Variants in NBAS observed in about 807,000 individuals in gnomAD.
NBAS encodes the protein NAG/BC035112 fusion.
A neutral mutation model predicts 302.5 loss-of-function variants in NBAS; 219 were observed. The observed-to-expected ratio is 0.72, with a 90% confidence interval of 0.65 to 0.81. The LOEUF is 0.81. NBAS is among the 30% of genes least tolerant of loss of function. The probability of loss-of-function intolerance (pLI) is 0.00; values close to 1 mark genes in which losing one functional copy is unlikely to be tolerated. For missense variants in NBAS, 2,932 were observed against 2,841.6 expected, an observed-to-expected ratio of 1.03 and a Z score of -0.72; for synonymous variants, 1,118 against 1,021.6, an observed-to-expected ratio of 1.09 and a Z score of -1.80.
intron 22 of NBAS, among the ~76,000 whole-genome samples, chr2:15,426,231 TC>T (rs1054616725): frequency 3.3e-5 from 5 of 152,230 alleles, no homozygotes; most frequent in Admixed American, 6.5e-5. Context: ...CTAGTGTTTT[TC>T]CTAAGGGGCC....
At chr2:15,016,103 G>A in the NBAS span, among the ~76,000 whole-genome samples, 2 of 152,054 alleles carry the variant, frequency 1.3e-5, no homozygotes, top group African/African-American at 4.8e-5. Flanking sequence ...CCAAGACTGG[G>A]TAATTTATAA....
chr2:15,304,268 T>C (rs1670933850), intron 40 of NBAS, among the ~76,000 whole-genome samples: 1 of 152,192 alleles, frequency 6.6e-6, no homozygotes, highest in African/African-American at 2.4e-5. Flanking sequence ...GCTCAGCACT[T>C]CTTCCTGCTG....
intron 44 of NBAS, among the ~76,000 whole-genome samples, chr2:15,239,388 C>CGT (rs71400646): frequency 9.8e-4 from 81 of 83,040 alleles, no homozygotes; most frequent in Non-Finnish European, 1.4e-3. Context: ...TGTATGTGTG[C>CGT]GTGTGTGTGT....
chr2:14,878,820 T>C, the NBAS span, among the ~76,000 whole-genome samples: 1 of 152,094 alleles, frequency 6.6e-6, no homozygotes, highest in Non-Finnish European at 1.5e-5. Context: ...TCACCCCAAA[T>C]CCATAGCTTA....
At chr2:14,914,585 T>C in the NBAS span, among the ~76,000 whole-genome samples, 4 of 152,124 alleles carry the variant, frequency 2.6e-5, no homozygotes, top group South Asian at 2.1e-4. Context: ...CAGGAACAGA[T>C]TGGGGAGGGG....
the NBAS span, among the ~76,000 whole-genome samples, chr2:15,107,155 T>C: frequency 6.6e-6 from 1 of 151,998 alleles, no homozygotes; most frequent in Non-Finnish European, 1.5e-5. Flanking sequence ...GACAATTAAG[T>C]TTAAATGAAC....
At chr2:14,913,420 G>T in the NBAS span, among the ~76,000 whole-genome samples, 2 of 152,112 alleles carry the variant, frequency 1.3e-5, no homozygotes, top group Non-Finnish European at 1.5e-5. Flanking sequence ...GACCACAGGA[G>T]CCCATGCCTG....
intron 38 of NBAS, among the ~76,000 whole-genome samples, chr2:15,312,174 G>A (rs781577313): frequency 2.0e-5 from 3 of 152,104 alleles, no homozygotes; most frequent in Non-Finnish European, 2.9e-5. Context: ...CCAGATCTTC[G>A]TCCTTGATTC....
At chr2:15,090,350 G>A in the NBAS span, among the ~76,000 whole-genome samples, 16 of 152,194 alleles carry the variant, frequency 1.1e-4, no homozygotes, top group African/African-American at 3.9e-4. Flanking sequence ...TTTCATTGAT[G>A]TAAAATATTA....
chr2:15,105,130 C>T, the NBAS span, among the ~76,000 whole-genome samples: 1 of 152,048 alleles, frequency 6.6e-6, no homozygotes, highest in African/African-American at 2.4e-5. Flanking sequence ...AAGCTGGAAA[C>T]CATCATTCTC....
the NBAS span, among the ~76,000 whole-genome samples, chr2:15,014,372 T>C: frequency 2.0e-5 from 3 of 152,170 alleles, no homozygotes; most frequent in African/African-American, 7.2e-5. Context: ...GAATGAAACA[T>C]ATTTTAGGAC....
intron 12 of NBAS, among the ~76,000 whole-genome samples, chr2:15,487,371 T>C (rs566628560): frequency 7.1e-4 from 108 of 152,320 alleles, no homozygotes; most frequent in African/African-American, 2.1e-3. Flanking sequence ...CCTCGGTATA[T>C]GCAGGGTTCC....
At chr2:15,104,330 G>T in the NBAS span, among the ~76,000 whole-genome samples, 3,712 of 152,186 alleles carry the variant, frequency 0.024, 153 homozygotes, top group African/African-American at 0.084. Flanking sequence ...TTTATTAGCA[G>T]CATGAAAGAA....
chr2:15,202,448 A>G (rs1210160147), intron 48 of NBAS, among the ~76,000 whole-genome samples: 1 of 152,216 alleles, frequency 6.6e-6, no homozygotes, highest in Non-Finnish European at 1.5e-5. Flanking sequence ...TTTGCCTTAT[A>G]AATTTTTTCT....
chr2:14,849,504 C>T, the NBAS span, among the ~76,000 whole-genome samples: 1 of 151,806 alleles, frequency 6.6e-6, no homozygotes, highest in Non-Finnish European at 1.5e-5. Context: ...GGAAAACACT[C>T]TGCAGGATAT....
rs1482088636 is a variant in NBAS at position 15,463,661 on chromosome 2, C to A, written c.2098-1870G>T. Among the ~76,000 whole-genome samples the A allele has an allele frequency of 3.3e-5, 5 of 152,116 alleles. No individual in the cohort carries two copies. In the East Asian group the frequency reaches 9.7e-4, roughly 29 times the overall value. ...GCAAATCATACCCTAACCAGTCAAA[C>A]CCAGCTATGATCCCTGAACACAAGC... On this transcript the variant is annotated intron_variant, in intron 19 of 51. Coordinates refer to ENST00000281513, the MANE Select transcript of NBAS (RefSeq NM_015909.4).
chr2:15,558,409 C>G (rs1039047071), intron 2 of NBAS, among the ~76,000 whole-genome samples, 171 bp downstream of exon 2: 1 of 151,808 alleles, frequency 6.6e-6, no homozygotes, highest in Non-Finnish European at 1.5e-5. Context: ...AACGTGCATG[C>G]GTAAATATAC....
chr2:15,313,240 T>C (rs1410347458), intron 38 of NBAS, among the ~76,000 whole-genome samples: 1 of 152,210 alleles, frequency 6.6e-6, no homozygotes, highest in Non-Finnish European at 1.5e-5. Context: ...GCTCATGCCA[T>C]TGCTTTGTAT....
chr2:15,344,842 G>A (rs770957121), intron 35 of NBAS, among the ~76,000 whole-genome samples: 2 of 152,290 alleles, frequency 1.3e-5, no homozygotes, highest in Admixed American at 6.5e-5. Context: ...TCCCTGGGAT[G>A]CAAGGCTGGT....
Sources: gnomAD v4.1 joint callset for allele counts (sites outside exome capture counted in the v4.1 genomes callset) on GRCh38, gnomAD v4.1.1 for gene constraint, MANE v1.5 for transcripts, NCBI Gene and HGNC (gene_info 2026-07-23, HGNC 2026-07-21) for gene names.